The following SLC24A2 variants were observed in gnomAD, a reference collection of about 807,000 sequenced individuals.
SLC24A2 encodes the protein solute carrier family 24 member 2.
SLC24A2 carries 36 observed loss-of-function variants against 62.0 expected under a neutral mutation model. That is an observed-to-expected ratio of 0.58 (90% CI 0.44 to 0.77). The LOEUF (loss-of-function observed/expected upper bound fraction) is 0.77, where lower values mean the gene tolerates loss of function less well. Among genes scored for constraint, SLC24A2 ranks in the 30% least tolerant of loss-of-function variants. The probability of loss-of-function intolerance (pLI) is 0.00; values close to 1 mark genes in which losing one functional copy is unlikely to be tolerated. For synonymous variants in SLC24A2, 358 were observed against 294.0 expected (o/e 1.22, Z -2.23); for missense variants, 846 against 817.9 (o/e 1.03, Z -0.42).
intron 2 of SLC24A2, among the ~76,000 whole-genome samples, chr9:19,698,720 G>A (rs1376439494): frequency 6.6e-6 from 1 of 152,126 alleles, no homozygotes; most frequent in Non-Finnish European, 1.5e-5. Context: ...GGTGGGAAGG[G>A]ATCACAAATC....
At chr9:19,959,742 T>C in the SLC24A2 span, among the ~76,000 whole-genome samples, 1 of 152,240 alleles carries the variant, frequency 6.6e-6, no homozygotes, top group Non-Finnish European at 1.5e-5. Flanking sequence ...CTCTAGTCTA[T>C]GCAGATAACT....
chr9:19,824,455 C>G, the SLC24A2 span, among the ~76,000 whole-genome samples: 1 of 152,122 alleles, frequency 6.6e-6, no homozygotes, highest in Non-Finnish European at 1.5e-5. Context: ...AAATGCAAAT[C>G]AAAACCACAA....
chr9:19,573,477 A>G lies in SLC24A2; in HGVS notation c.1229-8T>C, dbSNP rs774795308. On this transcript the variant is annotated splice_region_variant and splice_polypyrimidine_tract_variant and intron_variant, in intron 6 of 10. Coordinates refer to ENST00000341998, the MANE Select transcript of SLC24A2 (RefSeq NM_020344.4). ...TTGGAAGCTCAATTTTTTCTGTGAT[A>G]TAATTTAAACACACACACACACACA... 1.4e-6 allele frequency: 2 copies of G among 1,395,420 alleles called. No homozygotes were observed. Among genetic ancestry groups the G allele is most frequent in the African/African-American group, 1.5e-5 (1 of 66,776 alleles). The allele number at this position is 1,395,420 out of a possible 1,614,324, so 86.4% of individuals were successfully genotyped here. A position where few individuals can be genotyped will look rare whatever the true frequency, so the allele number is the denominator to read the frequency against.
chr9:20,005,798 T>C, the SLC24A2 span, among the ~76,000 whole-genome samples: 1 of 150,590 alleles, frequency 6.6e-6, no homozygotes, highest in African/African-American at 2.4e-5. Context: ...AAAGAGAGCA[T>C]GTAAATGGGA....
At chr9:19,779,218 C>G (rs1024998023) in intron 2 of SLC24A2, among the ~76,000 whole-genome samples, 6 of 152,068 alleles carry the variant, frequency 3.9e-5, no homozygotes, top group African/African-American at 1.4e-4. Context: ...GGGGTAGAGG[C>G]AAAATTGTTG....
chr9:19,873,275 T>TCTTC, the SLC24A2 span, among the ~76,000 whole-genome samples: 1 of 151,406 alleles, frequency 6.6e-6, no homozygotes, highest in South Asian at 2.1e-4. Flanking sequence ...TTCTTTTCTC[T>TCTTC]CTTTCTTTCT....
chr9:20,106,420 C>T, the SLC24A2 span, among the ~76,000 whole-genome samples: 1 of 152,132 alleles, frequency 6.6e-6, no homozygotes, highest in Non-Finnish European at 1.5e-5. Context: ...GACCAATATC[C>T]TTGATGAACG....
At chr9:19,979,647 C>T in the SLC24A2 span, among the ~76,000 whole-genome samples, 3 of 152,166 alleles carry the variant, frequency 2.0e-5, no homozygotes, top group Non-Finnish European at 2.9e-5. Flanking sequence ...CTCTCTTACT[C>T]TTAGTTACTA....
chr9:19,743,200 G>A (rs1180013194), intron 2 of SLC24A2, among the ~76,000 whole-genome samples: 4 of 152,176 alleles, frequency 2.6e-5, no homozygotes, highest in Admixed American at 2.6e-4. Flanking sequence ...AGAAGACTGA[G>A]CTAAGAAAGT....
the SLC24A2 span, among the ~76,000 whole-genome samples, chr9:20,097,978 G>A: frequency 1.3e-5 from 2 of 151,674 alleles, no homozygotes; most frequent in Admixed American, 6.6e-5. Flanking sequence ...TCCTGACCTC[G>A]TGATTCGCCC....
chr9:20,195,305 G>A, the SLC24A2 span, among the ~76,000 whole-genome samples: 2 of 151,906 alleles, frequency 1.3e-5, no homozygotes, highest in South Asian at 2.1e-4. Flanking sequence ...CCTACACTAG[G>A]CATTTATAGT....
At chr9:20,152,896 G>GC in the SLC24A2 span, among the ~76,000 whole-genome samples, 58 of 151,896 alleles carry the variant, frequency 3.8e-4, no homozygotes, top group African/African-American at 1.3e-3. Flanking sequence ...GTCAAAGAGT[G>GC]CCTCAAAACT....
chr9:20,219,761 A>C, the SLC24A2 span, among the ~76,000 whole-genome samples: 3 of 152,202 alleles, frequency 2.0e-5, no homozygotes, highest in African/African-American at 7.2e-5. Context: ...TCCAAGACTG[A>C]AAATTTACTA....
chr9:19,969,183 C>CCA, the SLC24A2 span, among the ~76,000 whole-genome samples: 11,125 of 122,090 alleles, frequency 0.091, 560 homozygotes, highest in East Asian at 0.13. Context: ...ACCTCCTTTG[C>CCA]CACACACACA....
the SLC24A2 span, among the ~76,000 whole-genome samples, chr9:20,252,940 C>T: frequency 6.6e-6 from 1 of 152,326 alleles, no homozygotes; most frequent in Non-Finnish European, 1.5e-5. Context: ...TCAGGCTTCT[C>T]TGACCTTCCA....
intron 10 of SLC24A2, among the ~76,000 whole-genome samples, chr9:19,520,490 A>C (rs944453415): frequency 6.6e-6 from 1 of 152,196 alleles, no homozygotes; most frequent in African/African-American, 2.4e-5. Flanking sequence ...TGGTAGGCCT[A>C]TGTTTTCCCC....
the SLC24A2 span, among the ~76,000 whole-genome samples, chr9:19,823,300 TGTG>T: frequency 2.0e-4 from 1 of 5,092 alleles, no homozygotes; most frequent in Non-Finnish European, 2.7e-3. Flanking sequence ...ATTAACATTG[TGTG>T]TGTGTGTGTG....
chr9:19,915,487 C>A, the SLC24A2 span, among the ~76,000 whole-genome samples: 1 of 152,046 alleles, frequency 6.6e-6, no homozygotes, highest in African/African-American at 2.4e-5. Flanking sequence ...AAATCTTTAA[C>A]TTTTGAGGGA....
chr9:19,611,270 T>C (rs539674335), intron 4 of SLC24A2, among the ~76,000 whole-genome samples: 2 of 148,610 alleles, frequency 1.3e-5, no homozygotes, highest in South Asian at 4.2e-4. Context: ...GGAAATGACA[T>C]GTGAGAGAAA....
Sources: allele counts gnomAD v4.1 joint callset (sites outside exome capture counted in the v4.1 genomes callset), GRCh38; gene constraint gnomAD v4.1.1; transcripts MANE v1.5; gene names NCBI Gene and HGNC (gene_info 2026-07-23, HGNC 2026-07-21).